Variants in SV2C observed in about 807,000 individuals in gnomAD.
The protein encoded by SV2C is solute carrier family 22 member B3.
In SV2C, 49 loss-of-function variants were observed where a neutral mutation model predicts 79.7. The ratio of observed to expected loss-of-function variants is 0.61; its 90% CI spans 0.49 to 0.78. The LOEUF is 0.78. Ranked by LOEUF, SV2C falls within the 30% of genes least tolerant of loss-of-function variation. SV2C has a pLI of 0.00. For missense variants in SV2C, 833 were observed against 912.9 expected (o/e 0.91, Z 1.13); for synonymous variants, 334 against 333.2 (o/e 1.00, Z -0.03).
chr5:76,243,012 T>TAAAAAAAAAAAAAAAAAAAAAAAAAAA (rs559052290), intron 4 of SV2C, among the ~76,000 whole-genome samples: 3 of 49,926 alleles, frequency 6.0e-5, no homozygotes, highest in African/African-American at 7.5e-5. Context: ...AGACCCCATC[T>TAAAAAAAAAAAAAAAAAAAAAAAAAAA]AAAAAAAAAA....
intron 12 of SV2C, among the ~76,000 whole-genome samples, chr5:76,340,920 CA>C (rs202056098): frequency 3.7e-4 from 48 of 128,554 alleles, no homozygotes; most frequent in African/African-American, 1.3e-3. Flanking sequence ...CCTAGTTTTA[CA>C]AAATTTTTTT....
chr5:76,352,810 G>C (rs973534437), intron 12 of SV2C, among the ~76,000 whole-genome samples: 1 of 151,990 alleles, frequency 6.6e-6, no homozygotes. Flanking sequence ...ACACAGGTCT[G>C]TATCTTAGTT....
chr5:76,198,425 G>GTT (rs1744337182), intron 3 of SV2C, among the ~76,000 whole-genome samples: 1 of 152,074 alleles, frequency 6.6e-6, no homozygotes, highest in African/African-American at 2.4e-5. Flanking sequence ...CTCTGCACAT[G>GTT]CCAGCTCCCC....
intron 2 of SV2C, among the ~76,000 whole-genome samples, chr5:76,166,418 T>G (rs1386559757): frequency 6.6e-6 from 1 of 152,216 alleles, no homozygotes; most frequent in Non-Finnish European, 1.5e-5. Context: ...AAGATCTGAT[T>G]GTAAAGAGAT....
the SV2C span, among the ~76,000 whole-genome samples, chr5:76,033,559 G>C: frequency 1.3e-5 from 2 of 152,190 alleles, no homozygotes; most frequent in East Asian, 3.9e-4. Flanking sequence ...GATAGTTGTA[G>C]ATATTCAGCG....
chr5:76,138,644 T>G (rs932346538), intron 2 of SV2C, among the ~76,000 whole-genome samples: 4 of 152,114 alleles, frequency 2.6e-5, no homozygotes, highest in Non-Finnish European at 5.9e-5. Context: ...AGAAAGGGAA[T>G]GTAAGCCTCA....
At position 76,298,805 on chromosome 5, in the gene SV2C, T is replaced by A. The variant is rs1580046475; in HGVS notation, c.1514T>A (p.Val505Asp). The A allele has an allele frequency of 6.2e-7, 1 of 1,613,790 alleles. No individual in the cohort carries two copies. The highest frequency in any genetic ancestry group is 2.2e-5 in the East Asian group (1 of 44,878). The change falls in exon 10 of 13, where the codon GTC becomes GAC. Residue 505 changes from valine (V) to aspartate (D), a missense_variant. Transcript: ENST00000502798. ...MEYDNGRFIG[V>D]KFKSVTFKDS... ...TGTGTGTTGGGCAGATTCATAGGGG[T>A]CAAGTTCAAATCTGTAACTTTCAAA...
the SV2C span, among the ~76,000 whole-genome samples, chr5:76,013,039 G>T: frequency 1.3e-5 from 2 of 152,164 alleles, no homozygotes; most frequent in African/African-American, 2.4e-5. Flanking sequence ...CAGAGAGCAT[G>T]ATGCCTCCAG....
the SV2C span, among the ~76,000 whole-genome samples, chr5:75,986,045 C>T: frequency 4.0e-5 from 6 of 149,996 alleles, no homozygotes; most frequent in African/African-American, 1.5e-4. Flanking sequence ...ACAATATACA[C>T]CATTTGAAGA....
At chr5:76,084,996 A>G (rs1168792385) in intron 1 of SV2C, among the ~76,000 whole-genome samples, 2 of 152,232 alleles carry the variant, frequency 1.3e-5, no homozygotes, top group African/African-American at 4.8e-5. Context: ...TGAGAGCCTT[A>G]AGGAGATGAG....
chr5:76,315,228 T>A (rs1748580544), intron 12 of SV2C, among the ~76,000 whole-genome samples: 1 of 150,562 alleles, frequency 6.6e-6, no homozygotes, highest in Non-Finnish European at 1.5e-5. Flanking sequence ...ACATAATAGA[T>A]ACTAGGGTAA....
chr5:76,196,573 G>C (rs1026621024), intron 3 of SV2C, among the ~76,000 whole-genome samples: 2 of 152,132 alleles, frequency 1.3e-5, no homozygotes, highest in Admixed American at 6.5e-5. Flanking sequence ...GTTACTTGGG[G>C]CTATTAGTTA....
the SV2C span, among the ~76,000 whole-genome samples, chr5:75,998,082 AT>A: frequency 1.3e-5 from 2 of 152,250 alleles, no homozygotes; most frequent in African/African-American, 4.8e-5. Flanking sequence ...TCAGCAAACT[AT>A]CACAAGGACA....
intron 4 of SV2C, among the ~76,000 whole-genome samples, chr5:76,242,929 C>A (rs1428242569): frequency 7.0e-6 from 1 of 143,816 alleles, no homozygotes. Flanking sequence ...CGGGAGGATC[C>A]CTTGAGCCTG....
intron 2 of SV2C, among the ~76,000 whole-genome samples, chr5:76,164,751 T>TGTGTGTGTGTG (rs1742998367): frequency 6.6e-6 from 1 of 151,368 alleles, no homozygotes; most frequent in Non-Finnish European, 1.5e-5. Context: ...TGTGTGTGTG[T>TGTGTGTGTGTG]AAACATATAT....
chr5:76,163,544 C>T (rs1231789281), intron 2 of SV2C, among the ~76,000 whole-genome samples: 2 of 152,184 alleles, frequency 1.3e-5, no homozygotes, highest in African/African-American at 4.8e-5. Context: ...TTTATAACCA[C>T]CTGTACTGGT....
At chr5:76,127,638 C>G (rs1478114769) in intron 1 of SV2C, among the ~76,000 whole-genome samples, 4 of 152,224 alleles carry the variant, frequency 2.6e-5, no homozygotes, top group African/African-American at 7.2e-5. Flanking sequence ...GCTCTCCCCA[C>G]TTGGCTTCAG....
chr5:76,284,252 A>T (rs1251826409), intron 4 of SV2C, among the ~76,000 whole-genome samples: 2 of 151,832 alleles, frequency 1.3e-5, no homozygotes, highest in Non-Finnish European at 2.9e-5. Flanking sequence ...TTTATATCCC[A>T]TTATGCTTAT....
Position 76,253,708 on chromosome 5 carries a change from GAA to G in SV2C, c.914-31437_914-31436del, listed in dbSNP as rs11390195. On this transcript the variant is annotated intron_variant, in intron 4 of 12. Coordinates refer to ENST00000502798, the MANE Select transcript of SV2C (RefSeq NM_014979.4). The stretch of plus-strand genomic sequence containing the variant: ...TTCCCCACCACCTCTCCTCCCTAAG[GAA>G]AAAAAAAAAAAAAAAATCTCACCTT... Among the ~76,000 whole-genome samples, 13 of 118,174 alleles carry G rather than the reference GAA, an allele frequency of 1.1e-4. 1 individual carries two copies. In the East Asian group the frequency reaches 1.2e-3, roughly 11 times the overall value. 77.5% of individuals were successfully genotyped at this position (118,174 alleles called of 152,430 possible). A position where few individuals can be genotyped will look rare whatever the true frequency, so the allele number is the denominator to read the frequency against.
Sources: gnomAD v4.1 joint callset for allele counts (sites outside exome capture counted in the v4.1 genomes callset) on GRCh38, gnomAD v4.1.1 for gene constraint, MANE v1.5 for transcripts, NCBI Gene and HGNC (gene_info 2026-07-23, HGNC 2026-07-21) for gene names.